EPHB1: variants seen among roughly 807,000 people sequenced by gnomAD.
The protein encoded by EPHB1 is ephrin type-B receptor 1.
EPHB1 carries 30 observed loss-of-function variants against 94.4 expected under a neutral mutation model. That is an observed-to-expected ratio of 0.32 (90% CI 0.24 to 0.43). EPHB1 has a LOEUF of 0.43. Ranked by LOEUF, EPHB1 falls within the 20% of genes least tolerant of loss-of-function variation. The pLI, the probability that EPHB1 is intolerant of heterozygous loss-of-function variation, is 1.00. For synonymous variants in EPHB1, 522 were observed against 489.1 expected, an observed-to-expected ratio of 1.07 and a Z score of -0.89; for missense variants, 1,055 against 1,308.3, an observed-to-expected ratio of 0.81 and a Z score of 2.99.
intron 12 of EPHB1, among the ~76,000 whole-genome samples, chr3:135,217,749 T>C (rs756856475): frequency 9.2e-5 from 14 of 152,174 alleles, no homozygotes; most frequent in Non-Finnish European, 1.6e-4. Flanking sequence ...TAGTACATTA[T>C]AAAATGTGCA....
At chr3:135,049,866 A>C (rs779885736) in intron 3 of EPHB1, among the ~76,000 whole-genome samples, 4 of 152,152 alleles carry the variant, frequency 2.6e-5, no homozygotes, top group Non-Finnish European at 5.9e-5. Flanking sequence ...GGACCTGTGA[A>C]GTCTGTGCTC....
intron 3 of EPHB1, among the ~76,000 whole-genome samples, chr3:135,021,470 A>C (rs1182814005): frequency 1.3e-5 from 2 of 151,840 alleles, no homozygotes; most frequent in Admixed American, 1.3e-4. Context: ...GATTTCTAAA[A>C]CTGGTTATTT....
At chr3:134,964,174 A>G (rs1933637399) in intron 3 of EPHB1, among the ~76,000 whole-genome samples, 1 of 152,214 alleles carries the variant, frequency 6.6e-6, no homozygotes. Context: ...ATTAGGATGT[A>G]TAAGAAAATA....
rs193026209 is a variant in EPHB1, at chr3:134,858,764, A to T, written c.58+63075A>T. Among the ~76,000 whole-genome samples, 98 of 152,350 alleles carry T rather than the reference A, an allele frequency of 6.4e-4. 1 individual carries two copies. Among genetic ancestry groups the T allele is most frequent in the Non-Finnish European group, 1.2e-3 (81 of 68,034 alleles). On this transcript the variant is annotated intron_variant, in intron 1 of 15. Transcript: ENST00000398015. ...GGAGCAGGGAGGGAAATGACCACAG[A>T]GTCAATGACAGAGCTGGAACCAAGG... is the stretch of plus-strand genomic sequence containing the variant.
rs572286618 is a variant in EPHB1, at chr3:135,128,055, G to C, written c.962-4659G>C. Among the ~76,000 whole-genome samples, 9 of 152,322 alleles carry C rather than the reference G, an allele frequency of 5.9e-5. No homozygotes were observed. The South Asian group carries it at 1.7e-3, about 28-fold the overall frequency. ...GAAGTAACCGTGGCAACAGATCAGA[G>C]AGGCTTCAAAAAGCCTGTCTGTATG... On this transcript the variant is annotated intron_variant, in intron 4 of 15. Coordinates refer to ENST00000398015, the MANE Select transcript of EPHB1 (RefSeq NM_004441.5).
chr3:134,821,393 A>C (rs2036378086), intron 1 of EPHB1, among the ~76,000 whole-genome samples: 1 of 152,186 alleles, frequency 6.6e-6, no homozygotes, highest in Non-Finnish European at 1.5e-5. Context: ...TTAAGGAAAA[A>C]ATATTAGAAT....
chr3:134,850,088 G>A (rs971332905), intron 1 of EPHB1, among the ~76,000 whole-genome samples: 1 of 152,196 alleles, frequency 6.6e-6, no homozygotes, highest in Non-Finnish European at 1.5e-5. Flanking sequence ...TGGCTCCAGG[G>A]AAGACAGGGC....
At chr3:135,240,395 A>C (rs1167277519) in intron 12 of EPHB1, among the ~76,000 whole-genome samples, 1 of 152,164 alleles carries the variant, frequency 6.6e-6, no homozygotes, top group Non-Finnish European at 1.5e-5. Flanking sequence ...GCTGAGGGCC[A>C]AGCAGAGAGC....
At chr3:134,804,466 A>G (rs1388645088) in intron 1 of EPHB1, among the ~76,000 whole-genome samples, 18 of 152,160 alleles carry the variant, frequency 1.2e-4, no homozygotes, top group Admixed American at 1.2e-3. Flanking sequence ...CAGCTAATCC[A>G]TATCAATGTC....
At chr3:134,848,757 T>C (rs2036922526) in intron 1 of EPHB1, among the ~76,000 whole-genome samples, 1 of 152,188 alleles carries the variant, frequency 6.6e-6, no homozygotes. Flanking sequence ...AGGGAGGGGA[T>C]CCGGTAGGGG....
intron 1 of EPHB1, among the ~76,000 whole-genome samples, chr3:134,857,684 A>G (rs905120032): frequency 2.0e-5 from 3 of 152,174 alleles, no homozygotes; most frequent in East Asian, 3.9e-4. Flanking sequence ...CCCAAGTGAC[A>G]CCTGTCCCAA....
In EPHB1 at chr3:135,132,973, G is replaced by C. The variant is rs763395281; in HGVS notation, c.1221G>C (p.Gln407His). Residue 407 changes from glutamine (Q) to histidine (H), a missense_variant, in exon 5 of 16, where the codon CAG becomes CAC. Coordinates refer to ENST00000398015, the MANE Select transcript of EPHB1 (RefSeq NM_004441.5). Reference protein sequence around the residue: ...WAHTPYTFDIQAINGVSSKSP... With the variant: ...WAHTPYTFDIHAINGVSSKSP... ...ACACCCCCTACACCTTTGACATCCA[G>C]GCCATCAATGGAGTCTCCAGCAAGA... 6.2e-7 allele frequency: 1 copy of C among 1,613,760 alleles called. No individual in the cohort carries two copies. The highest frequency in any genetic ancestry group is 2.2e-5 in the East Asian group (1 of 44,864).
chr3:135,050,679 T>C (rs1937143382), intron 3 of EPHB1, among the ~76,000 whole-genome samples: 1 of 152,200 alleles, frequency 6.6e-6, no homozygotes, highest in African/African-American at 2.4e-5. Flanking sequence ...GGCTTGGTGC[T>C]GTCCCCATGG....
At chr3:135,177,945 T>C (rs1361222576) in intron 9 of EPHB1, among the ~76,000 whole-genome samples, 7 of 152,124 alleles carry the variant, frequency 4.6e-5, no homozygotes, top group African/African-American at 1.7e-4. Flanking sequence ...CTGATATCCA[T>C]CCTGGGGACT....
At chr3:134,970,852 C>T (rs1490344760) in intron 3 of EPHB1, among the ~76,000 whole-genome samples, 3 of 152,214 alleles carry the variant, frequency 2.0e-5, no homozygotes, top group African/African-American at 7.2e-5. Flanking sequence ...CACCCGCCTA[C>T]CATATTGAAT....
intron 9 of EPHB1, among the ~76,000 whole-genome samples, chr3:135,167,344 A>G: frequency 6.6e-6 from 1 of 152,236 alleles, no homozygotes; most frequent in East Asian, 1.9e-4. Flanking sequence ...GGAGTTCTCT[A>G]TTAACATCTT....
intron 1 of EPHB1, among the ~76,000 whole-genome samples, chr3:134,881,201 G>GAA (rs2108311478): frequency 6.6e-6 from 1 of 152,276 alleles, no homozygotes; most frequent in African/African-American, 2.4e-5. Context: ...TCCAAAGCAG[G>GAA]AAACAGCATC....
chr3:135,092,865 G>T (rs1018696020), intron 3 of EPHB1, among the ~76,000 whole-genome samples: 1 of 152,180 alleles, frequency 6.6e-6, no homozygotes, highest in Non-Finnish European at 1.5e-5. Context: ...GGGCTCAAGT[G>T]ATCTTCCCGC....
chr3:134,910,171 G>A (rs1033983347), intron 1 of EPHB1, among the ~76,000 whole-genome samples: 3 of 152,160 alleles, frequency 2.0e-5, no homozygotes, highest in Non-Finnish European at 4.4e-5. Context: ...AGTCCCTAAG[G>A]CTGCAAGTAG....
Sources: gnomAD v4.1 joint callset for allele counts (sites outside exome capture counted in the v4.1 genomes callset) on GRCh38, gnomAD v4.1.1 for gene constraint, MANE v1.5 for transcripts, NCBI Gene and HGNC (gene_info 2026-07-23, HGNC 2026-07-21) for gene names.